The following HSF5 variants were observed in gnomAD, a reference collection of about 807,000 sequenced individuals.
HSF5 encodes the protein heat shock transcription factor 5, also known as heat shock factor protein 5.
Under a neutral mutation model 50.8 loss-of-function variants are expected in HSF5, and 5 were observed. The ratio of observed to expected loss-of-function variants is 0.10; its 90% CI spans 0.05 to 0.21. HSF5 has a LOEUF of 0.21. Ranked by LOEUF, HSF5 falls within the 10% of genes least tolerant of loss-of-function variation. The pLI is 1.00. For missense variants in HSF5, 564 were observed against 762.6 expected (o/e 0.74, Z 3.07); for synonymous variants, 307 against 307.4 (o/e 1.00, Z 0.02).
chr17:58,444,351 G>C (rs552753181), intron 5 of HSF5, among the ~76,000 whole-genome samples: 1 of 152,282 alleles, frequency 6.6e-6, no homozygotes, highest in South Asian at 2.1e-4. Context: ...AATCAAAACA[G>C]TGTGCTACTG....
chr17:58,459,369 C>T (rs927646807), intron 4 of HSF5, among the ~76,000 whole-genome samples: 4 of 151,982 alleles, frequency 2.6e-5, no homozygotes, highest in South Asian at 2.1e-4. Context: ...TTTTGTAGGC[C>T]GGGCGCGGTA....
intron 5 of HSF5, 69 bp from the exon 6 acceptor site, chr17:58,422,499 A>ACTT: frequency 1.6e-6 from 2 of 1,230,592 alleles, no homozygotes; most frequent in Non-Finnish European, 2.3e-6. Context: ...TTTTCAGACA[A>ACTT]GCAGAACAAG....
chr17:58,428,996 A>G (rs996271897), intron 5 of HSF5, among the ~76,000 whole-genome samples: 2 of 152,254 alleles, frequency 1.3e-5, no homozygotes, highest in African/African-American at 4.8e-5. Context: ...CCAAATGCCC[A>G]TCAGTTAATA....
intron 5 of HSF5, among the ~76,000 whole-genome samples, chr17:58,435,411 G>A (rs1974414171): frequency 6.6e-6 from 1 of 152,134 alleles, no homozygotes; most frequent in Non-Finnish European, 1.5e-5. Flanking sequence ...CAGTTGTGTG[G>A]TGGCTCATGC....
chr17:58,479,828 A>AAT (rs932812271), intron 2 of HSF5, 65 bp downstream of exon 2: 112 of 1,356,986 alleles, frequency 8.3e-5, no homozygotes, highest in Non-Finnish European at 9.9e-5. Flanking sequence ...ATGCATTTAA[A>AAT]ATATATATAT....
At chr17:58,479,314 T>C (rs1975068265) in intron 2 of HSF5, among the ~76,000 whole-genome samples, 1 of 152,144 alleles carries the variant, frequency 6.6e-6, no homozygotes, top group Non-Finnish European at 1.5e-5. Context: ...TTTTTTGCTT[T>C]TTGTTTTTGA....
intron 2 of HSF5, chr17:58,476,604 G>T (rs750575214): frequency 2.6e-6 from 4 of 1,530,922 alleles, no homozygotes; most frequent in Middle Eastern, 2.3e-4. Context: ...TAATATCTTC[G>T]AATTCTGTCA....
At chr17:58,457,351 C>A (rs1220520419) in intron 5 of HSF5, among the ~76,000 whole-genome samples, 1 of 151,906 alleles carries the variant, frequency 6.6e-6, no homozygotes, top group African/African-American at 2.4e-5. Context: ...GTAATCCCAG[C>A]ACTTTAGGAG....
Position 58,462,973 on chromosome 17 carries a change from C to T in HSF5, c.1351G>A (p.Ala451Thr). 1.9e-6 allele frequency: 3 copies of T among 1,614,156 alleles called. No homozygotes were observed. The highest frequency in any genetic ancestry group is 2.5e-6 in the Non-Finnish European group (3 of 1,179,990). The change falls in exon 4 of 6, where the codon GCC becomes ACC. Residue 451 changes from alanine to threonine, a missense_variant. By Grantham distance (58) the Ala-to-Thr change is moderately conservative. Around this residue, in one of 5 missense-constraint regions of HSF5, gnomAD observed 441 missense variants for 533.6 expected, o/e 0.83. Coordinates refer to ENST00000323777, the MANE Select transcript of HSF5 (RefSeq NM_001080439.3). ...SFVVGTEQAV[A>T]CSLPQSPEYI... ...TCAGGTGACTGTGGTAGAGAGCAGG[C>T]AACTGCTTGTTCTGTTCCAACCACA...
intron 1 of HSF5, among the ~76,000 whole-genome samples, chr17:58,485,617 C>T (rs1378979016): frequency 6.6e-6 from 1 of 151,072 alleles, no homozygotes; most frequent in Admixed American, 6.6e-5. Flanking sequence ...GTGTGGTGGC[C>T]ACGCCTGTAG....
intron 5 of HSF5, among the ~76,000 whole-genome samples, chr17:58,427,609 T>C (rs1312838729): frequency 1.3e-5 from 2 of 152,218 alleles, no homozygotes; most frequent in Admixed American, 1.3e-4. Flanking sequence ...TAATGACAGA[T>C]GAAATTTAAA....
At chr17:58,467,999 A>G (rs541466879) in intron 2 of HSF5, among the ~76,000 whole-genome samples, 1 of 152,346 alleles carries the variant, frequency 6.6e-6, no homozygotes, top group Non-Finnish European at 1.5e-5. Context: ...TTGCCTTTAC[A>G]AAACAAGTAA....
At chr17:58,484,692 C>A (rs752421670) in intron 1 of HSF5, among the ~76,000 whole-genome samples, 49 of 152,056 alleles carry the variant, frequency 3.2e-4, no homozygotes, top group Non-Finnish European at 6.8e-4. Flanking sequence ...CAATGGCCAT[C>A]ACATGGAAGT....
At chr17:58,467,352 C>G (rs1036914483) in intron 2 of HSF5, among the ~76,000 whole-genome samples, 1 of 152,194 alleles carries the variant, frequency 6.6e-6, no homozygotes, top group African/African-American at 2.4e-5. Context: ...ACAGTAACAA[C>G]TATTTGGAGG....
rs947514857 is a variant in HSF5 at position 58,421,382 on chromosome 17, A to C, written c.*978T>G. The C allele has an allele frequency of 2.6e-5, 4 of 152,670 alleles. No homozygotes were observed. The highest frequency in any genetic ancestry group is 9.6e-5 in the African/African-American group (4 of 41,474). 9.5% of individuals were successfully genotyped at this position (152,670 alleles called of 1,614,324 possible). Reference sequence around the variant, plus strand: ...AATTTGCACACAATACCTTATATAGATGAGAATTTATACTTATTGAATGTA... The same window carrying C: ...AATTTGCACACAATACCTTATATAGCTGAGAATTTATACTTATTGAATGTA... On this transcript the variant is annotated 3_prime_UTR_variant, in exon 6 of 6. Coordinates refer to ENST00000323777, the MANE Select transcript of HSF5 (RefSeq NM_001080439.3).
chr17:58,474,947 A>G (rs576784184), intron 2 of HSF5, among the ~76,000 whole-genome samples: 1 of 152,294 alleles, frequency 6.6e-6, no homozygotes, highest in East Asian at 1.9e-4. Flanking sequence ...AATCTGGGGG[A>G]AAAAATTAGG....
chr17:58,455,727 T>C (rs1258314294), intron 5 of HSF5, among the ~76,000 whole-genome samples: 5 of 151,954 alleles, frequency 3.3e-5, no homozygotes, highest in Non-Finnish European at 2.9e-5. Context: ...CCAACAGATA[T>C]ATGGAAAAAT....
At chr17:58,482,709 CAAAAAAAAAAAAAAA>C (rs34783781) in intron 1 of HSF5, among the ~76,000 whole-genome samples, 7 of 13,462 alleles carry the variant, frequency 5.2e-4, no homozygotes, top group Admixed American at 1.3e-3. Context: ...GACTCCATCT[CAAAAAAAAAAAAAAA>C]AAAAAAAAAA....
chr17:58,454,191 C>G (rs899498825), intron 5 of HSF5, among the ~76,000 whole-genome samples: 1 of 151,174 alleles, frequency 6.6e-6, no homozygotes, highest in East Asian at 1.9e-4. Context: ...TCCCCCTCTG[C>G]GAGAAACACC....
Sources: gnomAD v4.1 joint callset for allele counts (sites outside exome capture counted in the v4.1 genomes callset) on GRCh38, gnomAD v4.1.1 for gene constraint, gnomAD v4.1.1 regional missense constraint, MANE v1.5 for transcripts, NCBI Gene and HGNC (gene_info 2026-07-23, HGNC 2026-07-21) for gene names.